The following NRXN1 variants were observed in gnomAD, a reference collection of about 807,000 sequenced individuals.
NRXN1 encodes the protein neurexin-1.
In NRXN1, 39 loss-of-function variants were observed where a neutral mutation model predicts 150.9. The ratio of observed to expected loss-of-function variants is 0.26; its 90% CI spans 0.20 to 0.34. NRXN1 has a LOEUF of 0.34. Ranked by LOEUF, NRXN1 falls within the 10% of genes least tolerant of loss-of-function variation. The pLI is 1.00. For missense variants in NRXN1, 1,815 were observed against 1,949.9 expected (o/e 0.93, Z 1.30); for synonymous variants, 924 against 757.0 (o/e 1.22, Z -3.62).
At chr2:50,575,286 G>C (rs1487251559) in intron 8 of NRXN1, among the ~76,000 whole-genome samples, 1 of 152,174 alleles carries the variant, frequency 6.6e-6, no homozygotes, top group African/African-American at 2.4e-5. Flanking sequence ...CAAAATGAAT[G>C]AAGTTTGTGT....
intron 21 of NRXN1, among the ~76,000 whole-genome samples, chr2:49,983,970 C>T (rs943480651): frequency 3.3e-5 from 5 of 151,646 alleles, no homozygotes; most frequent in Middle Eastern, 3.4e-3. Context: ...TGAGATCAGC[C>T]TGGGCAATAG....
At chr2:50,690,832 G>A (rs549673795) in intron 5 of NRXN1, among the ~76,000 whole-genome samples, 2 of 152,028 alleles carry the variant, frequency 1.3e-5, no homozygotes, top group African/African-American at 4.8e-5. Context: ...AACACACACA[G>A]ATATTAAATA....
intron 5 of NRXN1, among the ~76,000 whole-genome samples, chr2:50,713,957 T>A (rs970931926): frequency 6.6e-6 from 1 of 152,012 alleles, no homozygotes; most frequent in Non-Finnish European, 1.5e-5. Context: ...AATTATACCA[T>A]CACATCCTCA....
In NRXN1 at chr2:51,032,016, T is replaced by A. The variant is rs199975736; in HGVS notation, c.-957A>T. Reference sequence around the variant, plus strand: ...ATTCCCCTCAGCTCGAGCCAGAGCCTGAAGCATGCATCGGTCAAAGCGAAT... The same window carrying A: ...ATTCCCCTCAGCTCGAGCCAGAGCCAGAAGCATGCATCGGTCAAAGCGAAT... On this transcript the variant is annotated 5_prime_UTR_variant, in exon 1 of 23. Coordinates refer to ENST00000401669, the MANE Select transcript of NRXN1 (RefSeq NM_001330078.2). 1 of 152,220 alleles carries A rather than the reference T, an allele frequency of 6.6e-6. No homozygotes were observed. Among genetic ancestry groups the A allele is most frequent in the Admixed American group, 6.6e-5 (1 of 15,266 alleles). 9.4% of individuals were successfully genotyped at this position (152,220 alleles called of 1,614,324 possible). A position where few individuals can be genotyped will look rare whatever the true frequency, so the allele number is the denominator to read the frequency against.
At chr2:49,947,514 C>CTTTTTTTTTTTTTTTTTTT (rs199991365) in intron 21 of NRXN1, among the ~76,000 whole-genome samples, 5 of 109,002 alleles carry the variant, frequency 4.6e-5, no homozygotes, top group Non-Finnish European at 5.7e-5. Flanking sequence ...TTTTTTTTTT[C>CTTTTTTTTTTTTTTTTTTT]TTTTTTTTTT....
chr2:50,414,002 G>C (rs1452065470), intron 17 of NRXN1, among the ~76,000 whole-genome samples: 2 of 131,354 alleles, frequency 1.5e-5, no homozygotes, highest in Admixed American at 1.7e-4. Flanking sequence ...CATGGACATA[G>C]AGAGTAGAAG....
At chr2:50,207,530 AC>A (rs1385691913) in intron 18 of NRXN1, 2 of 156,324 alleles carry the variant, frequency 1.3e-5, no homozygotes, top group African/African-American at 4.8e-5. Context: ...TTATTAATCT[AC>A]TCTTACCAAT....
chr2:50,940,103 G>A (rs745866247), intron 2 of NRXN1, among the ~76,000 whole-genome samples: 23 of 152,184 alleles, frequency 1.5e-4, no homozygotes, highest in African/African-American at 3.4e-4. Flanking sequence ...TATGGCTCCC[G>A]AAATTGTGGC....
chr2:50,294,896 C>T (rs2073380931), intron 17 of NRXN1, among the ~76,000 whole-genome samples: 1 of 152,116 alleles, frequency 6.6e-6, no homozygotes, highest in Admixed American at 6.6e-5. Context: ...AAACCTTATC[C>T]CTATCAGTCG....
At chr2:50,077,020 T>G (rs1177685311) in intron 19 of NRXN1, among the ~76,000 whole-genome samples, 1 of 152,188 alleles carries the variant, frequency 6.6e-6, no homozygotes, top group Non-Finnish European at 1.5e-5. Context: ...TGGAGTAGGC[T>G]TTAGAACCTA....
chr2:50,497,202 T>G, intron 14 of NRXN1, 131 bp downstream of exon 14: 1 of 552,288 alleles, frequency 1.8e-6, no homozygotes, highest in African/African-American at 1.9e-5. Flanking sequence ...AAATGCCTTC[T>G]TATTTGTCCT....
intron 5 of NRXN1, among the ~76,000 whole-genome samples, chr2:50,733,158 A>T (rs1449961126): frequency 1.3e-5 from 2 of 152,190 alleles, no homozygotes; most frequent in African/African-American, 2.4e-5. Flanking sequence ...ATGACACAAC[A>T]GGGAAACATT....
intron 2 of NRXN1, among the ~76,000 whole-genome samples, chr2:50,955,592 G>T (rs1378005518): frequency 6.6e-6 from 1 of 152,194 alleles, no homozygotes; most frequent in Non-Finnish European, 1.5e-5. Context: ...GTCAACAGCA[G>T]AACAGTGCCA....
At chr2:50,430,021 A>G (rs1346946434) in intron 17 of NRXN1, among the ~76,000 whole-genome samples, 1 of 152,200 alleles carries the variant, frequency 6.6e-6, no homozygotes, top group Non-Finnish European at 1.5e-5. Context: ...TCTGTCACAC[A>G]CATTTAACCT....
intron 17 of NRXN1, among the ~76,000 whole-genome samples, chr2:50,237,418 A>C (rs1057240428): frequency 1.3e-5 from 2 of 152,090 alleles, no homozygotes; most frequent in African/African-American, 4.8e-5. Flanking sequence ...GAAAGTCGCA[A>C]CAAATGTGCT....
chr2:50,298,891 T>A (rs6748646), intron 17 of NRXN1, among the ~76,000 whole-genome samples: 29,197 of 152,108 alleles, frequency 0.19, 3,086 homozygotes, highest in East Asian at 0.41. Flanking sequence ...ACTCTCCTTT[T>A]GAAATGAACA....
At chr2:50,615,523 T>C (rs1678919537) in intron 8 of NRXN1, 1 of 151,936 alleles carries the variant, frequency 6.6e-6, no homozygotes, top group South Asian at 2.1e-4. Flanking sequence ...CAGGAACAGG[T>C]TCTGAGGGGG....
intron 5 of NRXN1, among the ~76,000 whole-genome samples, chr2:50,905,285 C>A (rs772559088): frequency 2.0e-5 from 3 of 152,130 alleles, no homozygotes; most frequent in Non-Finnish European, 4.4e-5. Flanking sequence ...AACCCTCTGA[C>A]ACACACTGTG....
intron 5 of NRXN1, among the ~76,000 whole-genome samples, chr2:50,648,466 C>T (rs774674621): frequency 1.3e-5 from 2 of 151,988 alleles, no homozygotes; most frequent in African/African-American, 2.4e-5. Flanking sequence ...TTAACTATCA[C>T]ACTGATAAAG....
Sources: allele counts gnomAD v4.1 joint callset (sites outside exome capture counted in the v4.1 genomes callset), GRCh38; gene constraint gnomAD v4.1.1; transcripts MANE v1.5; gene names NCBI Gene and HGNC (gene_info 2026-07-23, HGNC 2026-07-21).